FBLN1: variants seen among roughly 807,000 people sequenced by gnomAD.
FBLN1 encodes fibulin-1.
A neutral mutation model predicts 89.7 loss-of-function variants in FBLN1; 34 were observed. The ratio of observed to expected loss-of-function variants is 0.38; its 90% CI spans 0.29 to 0.50. FBLN1 has a LOEUF of 0.50. Among genes scored for constraint, FBLN1 ranks in the 20% least tolerant of loss-of-function variants. The pLI is 0.92. For synonymous variants in FBLN1, 393 were observed against 391.3 expected (o/e 1.00, Z -0.05); for missense variants, 777 against 988.1 (o/e 0.79, Z 2.86).
At chr22:45,553,456 C>G (rs956194962) in intron 14 of FBLN1, among the ~76,000 whole-genome samples, 1 of 152,198 alleles carries the variant, frequency 6.6e-6, no homozygotes, top group African/African-American at 2.4e-5. Context: ...CCGTCCCTGA[C>G]CTAGACACAC....
In FBLN1 at chr22:45,561,245, G is replaced by A. The variant is rs2088847632; in HGVS notation, c.1697+10630G>A. Among the ~76,000 whole-genome samples, 1 of 152,146 alleles carries A rather than the reference G, an allele frequency of 6.6e-6. No individual in the cohort carries two copies. Among genetic ancestry groups the A allele is most frequent in the Non-Finnish European group, 1.5e-5 (1 of 68,042 alleles). On this transcript the variant is annotated intron_variant, in intron 14 of 16. Coordinates refer to ENST00000327858, the MANE Select transcript of FBLN1 (RefSeq NM_006486.3). The surrounding 1 kb of genome is among the most constrained non-coding windows in gnomAD (Gnocchi z 4.7). ...TTGTGTCTGTTTTTCCACAATTTCA[G>A]CTCTTCCTCTACAGGAGATAAGACT...
chr22:45,525,401 G>A (rs950534875), intron 2 of FBLN1, 142 bp from the exon 3 acceptor site: 5 of 761,276 alleles, frequency 6.6e-6, no homozygotes, highest in African/African-American at 5.2e-5. Flanking sequence ...GTATGCCACT[G>A]GGGCACTGTG....
At chr22:45,511,930 G>A (rs779095075) in intron 1 of FBLN1, among the ~76,000 whole-genome samples, 25 of 152,130 alleles carry the variant, frequency 1.6e-4, no homozygotes, top group Non-Finnish European at 3.5e-4. Context: ...TTATGCTTTG[G>A]ATCTAACTCA....
chr22:45,596,157 C>T (rs1217156797), intron 16 of FBLN1, among the ~76,000 whole-genome samples: 6 of 152,254 alleles, frequency 3.9e-5, no homozygotes, highest in African/African-American at 1.2e-4. Flanking sequence ...GCGTGAGCCA[C>T]TACGCCCGGC....
rs759317468 is a variant in FBLN1 at position 45,535,241 on chromosome 22, G to A, written c.826G>A (p.Asp276Asn). The A allele has an allele frequency of 6.2e-6, 10 of 1,613,992 alleles. No individual in the cohort carries two copies. Among genetic ancestry groups the A allele is most frequent in the African/African-American group, 1.3e-5 (1 of 74,896 alleles). The change falls in exon 8 of 17, where the codon GAT becomes AAT. Residue 276 changes from aspartate to asparagine, a missense_variant. Transcript: ENST00000327858. ...GAGTGGTATTCATAACTGCCTCCCC[G>A]ATTTTATCTGTCAGAATACTCTGGG... ...CESGIHNCLP[D>N]FICQNTLGSF...
intron 9 of FBLN1, among the ~76,000 whole-genome samples, chr22:45,541,946 T>A (rs1398112947): frequency 6.6e-6 from 1 of 152,226 alleles, no homozygotes; most frequent in African/African-American, 2.4e-5. Flanking sequence ...GAGTCATTGC[T>A]GGCCTGCCAG....
In FBLN1 at chr22:45,548,665, C is replaced by T. The variant is rs762874386; in HGVS notation, c.1494C>T (p.Cys498=). The change falls in exon 13 of 17, where the codon TGC becomes TGT. Residue 498 remains cysteine, a synonymous_variant. Coordinates refer to ENST00000327858, the MANE Select transcript of FBLN1 (RefSeq NM_006486.3). ...PTGGHICSYR[C]INIPGSFQCS... is the part of the protein sequence containing the mutation. ...GGGGCCACATCTGCTCCTACCGCTG[C>T]ATCAACATCCCTGGAAGCTTCCAGT... 6.2e-7 allele frequency: 1 copy of T among 1,613,908 alleles called. No individual in the cohort carries two copies. Among genetic ancestry groups the T allele is most frequent in the Non-Finnish European group, 8.5e-7 (1 of 1,180,024 alleles).
chr22:45,594,323 G>T (rs894852871), intron 16 of FBLN1, among the ~76,000 whole-genome samples: 7 of 152,102 alleles, frequency 4.6e-5, no homozygotes, highest in Non-Finnish European at 8.8e-5. Flanking sequence ...TGAGACTGAC[G>T]AAGTGAGGTC....
At position 45,577,044 on chromosome 22, in the gene FBLN1, C is replaced by T. The variant is rs142649662; in HGVS notation, c.1908C>T (p.Ile636=). ...PASQANIIFD[I]TEGNLRDSFD... ...GCCAGGCTAACATCATCTTCGACAT[C>T]ACGGAAGGGAACCTGCGGGACTCTT... The change falls in exon 16 of 17, where the codon ATC becomes ATT. Residue 636 remains isoleucine, a synonymous_variant. Transcript: ENST00000327858. This position sits in a 1 kb window ranked among gnomAD's most constrained non-coding sequence, Gnocchi z 6.6. 3.1e-6 allele frequency: 5 copies of T among 1,614,158 alleles called. No individual in the cohort carries two copies. The African/African-American group carries it at 4.0e-5, about 13-fold the overall frequency.
chr22:45,570,355 GAAAAA>G (rs56383142), intron 14 of FBLN1, among the ~76,000 whole-genome samples: 1 of 108,636 alleles, frequency 9.2e-6, no homozygotes, highest in Non-Finnish European at 1.8e-5. Context: ...GAAAAGAAAA[GAAAAA>G]AAAAAGAAAA....
At position 45,590,922 on chromosome 22, in the gene FBLN1, C is replaced by T. The variant is rs1468715101; in HGVS notation, c.1973-9385C>T. Among the ~76,000 whole-genome samples, 1 of 151,818 alleles carries T rather than the reference C, an allele frequency of 6.6e-6. No homozygotes were observed. The highest frequency in any genetic ancestry group is 1.5e-5 in the Non-Finnish European group (1 of 67,954). On this transcript the variant is annotated intron_variant, in intron 16 of 16. Coordinates refer to ENST00000327858, the MANE Select transcript of FBLN1 (RefSeq NM_006486.3). The surrounding 1 kb of genome is among the most constrained non-coding windows in gnomAD (Gnocchi z 4.1). ...CGTCTGGAGAAATTGGAGTGGACTC[C>T]GAGTTTGGGTCGGGGGCCCAGGAGG...
chr22:45,542,239 G>A lies in FBLN1; in HGVS notation c.1151G>A (p.Cys384Tyr). Reference sequence around the variant, plus strand: ...TCTCCCGGCAGTTTCCGCTGCGAATGCAAGACGGGTTACTATTTTGACGGC... The same window carrying A: ...TCTCCCGGCAGTTTCCGCTGCGAATACAAGACGGGTTACTATTTTGACGGC... ...VNSPGSFRCE[C>Y]KTGYYFDGIS... Residue 384 changes from cysteine to tyrosine, a missense_variant, in exon 10 of 17, where the codon TGC (cysteine) becomes TAC (tyrosine). By Grantham distance (194) the Cys-to-Tyr change is radical (BLOSUM62 -2). Coordinates refer to ENST00000327858, the MANE Select transcript of FBLN1 (RefSeq NM_006486.3). The A allele has an allele frequency of 6.2e-7, 1 of 1,614,138 alleles. No individual in the cohort carries two copies. Among genetic ancestry groups the A allele is most frequent in the Non-Finnish European group, 8.5e-7 (1 of 1,180,038 alleles).
In FBLN1 at chr22:45,576,509, T is replaced by A. The variant is rs2088998441; in HGVS notation, c.1841-468T>A. 6.6e-6 allele frequency among the ~76,000 whole-genome samples: 1 copy of A among 151,978 alleles called. No homozygotes were observed. Among genetic ancestry groups the A allele is most frequent in the Admixed American group, 6.5e-5 (1 of 15,274 alleles). ...GGCTGCCCTGCTTCACTGTCTGATC[T>A]GGGAGATGGACACACACCCCCCAGA... On this transcript the variant is annotated intron_variant, in intron 15 of 16. Transcript: ENST00000327858. The surrounding 1 kb of genome is among the most constrained non-coding windows in gnomAD (Gnocchi z 5.2).
Position 45,547,471 on chromosome 22 carries a change from C to A in FBLN1, c.1441+267C>A, listed in dbSNP as rs1031062282. 2.8e-5 allele frequency among the ~76,000 whole-genome samples: 4 copies of A among 141,064 alleles called. No homozygotes were observed. In the Admixed American group the frequency reaches 3.1e-4, roughly 11 times the overall value. The allele number at this position is 141,064 out of a possible 152,430, so 92.5% of individuals were successfully genotyped here. A position where few individuals can be genotyped will look rare whatever the true frequency, so the allele number is the denominator to read the frequency against. ...AGTGATATGGTGCAATCACTGCTCACTGCAGCCTCAGCTTCCCAGGCTCAA... is the reference window on the plus strand; with the variant it reads ...AGTGATATGGTGCAATCACTGCTCAATGCAGCCTCAGCTTCCCAGGCTCAA... On this transcript the variant is annotated intron_variant, in intron 12 of 16. Transcript: ENST00000327858.
chr22:45,536,065 C>T lies in FBLN1; in HGVS notation c.922+728C>T, dbSNP rs1253020557. Among the ~76,000 whole-genome samples the T allele has an allele frequency of 1.3e-5, 2 of 152,190 alleles. No homozygotes were observed. The highest frequency in any genetic ancestry group is 2.9e-5 in the Non-Finnish European group (2 of 68,038). ...TGGCGCATGCCTACAGTCCCAGCTA[C>T]TTGGGAGGCTGAGGTGGGAGGATCC... On this transcript the variant is annotated intron_variant, in intron 8 of 16. Transcript: ENST00000327858. The surrounding 1 kb of genome is among the most constrained non-coding windows in gnomAD (Gnocchi z 5.1).
chr22:45,522,941 C>T, intron 2 of FBLN1: 2 of 488,816 alleles, frequency 4.1e-6, no homozygotes, highest in East Asian at 3.0e-5. Context: ...TATGCAAGTC[C>T]CCTGGCCTCG....
Position 45,532,263 on chromosome 22 carries a change from TG to T in FBLN1, c.545-796del, listed in dbSNP as rs2088418596. ...CCTCAGGGCTATGGGAGGAGCTTTC[TG>T]GGGAGGGGAGAGCTGGTCTGCAAGG... On this transcript the variant is annotated intron_variant, in intron 5 of 16. Transcript: ENST00000327858. The surrounding 1 kb of genome is among the most constrained non-coding windows in gnomAD (Gnocchi z 4.2). Among the ~76,000 whole-genome samples, 1 of 152,000 alleles carries T rather than the reference TG, an allele frequency of 6.6e-6. No homozygotes were observed. Among genetic ancestry groups the T allele is most frequent in the Non-Finnish European group, 1.5e-5 (1 of 67,994 alleles).
intron 16 of FBLN1, among the ~76,000 whole-genome samples, chr22:45,593,359 C>A (rs2089155984): frequency 6.6e-6 from 1 of 152,088 alleles, no homozygotes; most frequent in Non-Finnish European, 1.5e-5. Flanking sequence ...ACATCAGCTG[C>A]AACTTACAGA....
At chr22:45,538,691 C>T (rs911264075) in intron 8 of FBLN1, among the ~76,000 whole-genome samples, 3 of 152,204 alleles carry the variant, frequency 2.0e-5, no homozygotes, top group African/African-American at 7.2e-5. Context: ...CCAGCACGCA[C>T]CCTGGGTCCT....
Sources: allele counts gnomAD v4.1 joint callset (sites outside exome capture counted in the v4.1 genomes callset), GRCh38; gene constraint gnomAD v4.1.1; non-coding constraint Gnocchi (gnomAD v3.1); transcripts MANE v1.5; gene names NCBI Gene and HGNC (gene_info 2026-07-23, HGNC 2026-07-21).